ACACA: variants seen among roughly 807,000 people sequenced by gnomAD.
The protein encoded by ACACA is acetyl-CoA carboxylase alpha, also known as acetyl-CoA carboxylase 1.
ACACA carries 103 observed loss-of-function variants against 296.1 expected under a neutral mutation model. The observed-to-expected ratio is 0.35, with a 90% CI of 0.30 to 0.41. The LOEUF is 0.41. Ranked by LOEUF, ACACA falls within the 10% of genes least tolerant of loss-of-function variation. The pLI, the probability that ACACA is intolerant of heterozygous loss-of-function variation, is 1.00. For missense variants in ACACA, 1,554 were observed against 2,989.7 expected (o/e 0.52, Z 11.20); for synonymous variants, 953 against 1,038.6 (o/e 0.92, Z 1.58).
intron 3 of ACACA, among the ~76,000 whole-genome samples, chr17:37,309,567 G>T (rs1253089411): frequency 6.6e-6 from 1 of 152,118 alleles, no homozygotes; most frequent in Non-Finnish European, 1.5e-5. Context: ...AAAGGATAAA[G>T]ACCTCAAGTG....
intron 3 of ACACA, among the ~76,000 whole-genome samples, chr17:37,290,049 T>A (rs867441993): frequency 7.2e-5 from 11 of 152,016 alleles, no homozygotes; most frequent in Middle Eastern, 3.4e-3. Flanking sequence ...TGTTCAAACA[T>A]CTTTGGGTTT....
chr17:37,224,414 A>G (rs1413339508), intron 27 of ACACA, among the ~76,000 whole-genome samples: 3 of 152,180 alleles, frequency 2.0e-5, no homozygotes, highest in Non-Finnish European at 4.4e-5. Context: ...CCAGGTAGAA[A>G]AATATAAAGT....
rs546743748 is a variant in ACACA, at chr17:37,303,411, T to C, written c.339-18441A>G. ...ACATCATCAGTTAATGGATATTGGG[T>C]TGTTTCCATTTTGTGGCTCTTATTA... On this transcript the variant is annotated intron_variant, in intron 3 of 55. Transcript: ENST00000616317. Among the ~76,000 whole-genome samples, 3 of 152,350 alleles carry C rather than the reference T, an allele frequency of 2.0e-5. No homozygotes were observed. The South Asian group carries it at 6.2e-4, about 32-fold the overall frequency.
At chr17:37,176,647 C>T (rs145392369) in intron 41 of ACACA, among the ~76,000 whole-genome samples, 256 of 152,230 alleles carry the variant, frequency 1.7e-3, no homozygotes, top group African/African-American at 2.9e-3. Context: ...GGGCTCAGCA[C>T]GAGGAAATAC....
chr17:37,299,629 C>T, intron 3 of ACACA: 5 of 1,169,766 alleles, frequency 4.3e-6, no homozygotes, highest in East Asian at 8.6e-5. Context: ...CTGAGAGGAG[C>T]CGGGGAGAAA....
chr17:37,320,406 G>A (rs1282283190), intron 3 of ACACA, among the ~76,000 whole-genome samples: 1 of 151,402 alleles, frequency 6.6e-6, no homozygotes, highest in Non-Finnish European at 1.5e-5. Context: ...AGCTACATGG[G>A]AGCCTGAGGC....
chr17:37,206,449 T>C (rs2078505347), intron 32 of ACACA, among the ~76,000 whole-genome samples: 1 of 152,130 alleles, frequency 6.6e-6, no homozygotes, highest in Non-Finnish European at 1.5e-5. Flanking sequence ...ATTGCACCAC[T>C]ATGCAAAAAT....
At position 37,113,263 on chromosome 17, in the gene ACACA, TA is replaced by T; in HGVS notation, c.6276del (p.Asp2092GlufsTer7). ...NWRGFSGGMK[D>X]MYDQVLKFGA... ...CCAAACTTCAGCACTTGGTCGTACA[TA>T]TCTATGGAGAATGAGACAAATTAGA... On this transcript the variant is annotated frameshift_variant and splice_region_variant, in exon 51 of 56. Coordinates refer to ENST00000616317, the MANE Select transcript of ACACA (RefSeq NM_198834.3). LOFTEE classifies it high-confidence loss of function. The surrounding 1 kb of genome is among the most constrained non-coding windows in gnomAD (Gnocchi z 4.0). 4 of 1,614,130 alleles carry T rather than the reference TA, an allele frequency of 2.5e-6. No homozygotes were observed. Among genetic ancestry groups the T allele is most frequent in the Non-Finnish European group, 3.4e-6 (4 of 1,179,972 alleles).
At chr17:37,094,569 A>ACCC (rs1273495530) in intron 54 of ACACA, among the ~76,000 whole-genome samples, 3 of 80,996 alleles carry the variant, frequency 3.7e-5, no homozygotes, top group South Asian at 5.2e-4. Flanking sequence ...TCTTTGAAGA[A>ACCC]CCACCCCCCC....
intron 25 of ACACA, among the ~76,000 whole-genome samples, chr17:37,228,967 A>AC (rs1215601740): frequency 5.9e-5 from 9 of 151,832 alleles, no homozygotes; most frequent in African/African-American, 2.2e-4. Flanking sequence ...CACGGTTGAA[A>AC]CCCGTCTCTA....
intron 1 of ACACA, among the ~76,000 whole-genome samples, chr17:37,405,497 G>A (rs868587913): frequency 9.2e-5 from 14 of 152,114 alleles, no homozygotes; most frequent in African/African-American, 3.4e-4. Context: ...TGTCTGGAAG[G>A]GTACATACCA....
intron 3 of ACACA, among the ~76,000 whole-genome samples, chr17:37,303,815 G>A (rs553608476): frequency 5.9e-5 from 9 of 152,174 alleles, no homozygotes; most frequent in Non-Finnish European, 7.3e-5. Context: ...CCAAGATCGC[G>A]CCATTGCATT....
intron 45 of ACACA, among the ~76,000 whole-genome samples, chr17:37,132,700 C>T (rs1055677800): frequency 2.0e-5 from 3 of 152,136 alleles, no homozygotes; most frequent in African/African-American, 7.2e-5. Flanking sequence ...TCTCTAATAC[C>T]TGATAATGTC....
intron 1 of ACACA, among the ~76,000 whole-genome samples, chr17:37,383,168 G>A (rs1178917504): frequency 6.6e-6 from 1 of 152,200 alleles, no homozygotes; most frequent in East Asian, 1.9e-4. Context: ...TTGGGGAAAA[G>A]TGGACTTAAG....
chr17:37,194,936 C>A (rs4795179), intron 35 of ACACA, among the ~76,000 whole-genome samples: 5 of 150,948 alleles, frequency 3.3e-5, no homozygotes, highest in African/African-American at 4.9e-5. Flanking sequence ...CTCTGACACC[C>A]CCCCCACCCG....
At chr17:37,354,466 T>G (rs1415543575) in intron 1 of ACACA, among the ~76,000 whole-genome samples, 2 of 152,182 alleles carry the variant, frequency 1.3e-5, no homozygotes, top group African/African-American at 4.8e-5. Context: ...TAAATGAGAT[T>G]GGCCAGCTAA....
chr17:37,143,416 A>G (rs780304936), intron 45 of ACACA, among the ~76,000 whole-genome samples: 81 of 152,158 alleles, frequency 5.3e-4, no homozygotes, highest in Non-Finnish European at 7.2e-4. Flanking sequence ...CTGTGCACCA[A>G]TAAGAACCTG....
chr17:37,354,469 C>T (rs1328696429), intron 1 of ACACA, among the ~76,000 whole-genome samples: 8 of 152,098 alleles, frequency 5.3e-5, no homozygotes, highest in African/African-American at 1.4e-4. Flanking sequence ...ATGAGATTGG[C>T]CAGCTAAACT....
intron 1 of ACACA, among the ~76,000 whole-genome samples, chr17:37,366,486 T>C (rs2049607298): frequency 6.6e-6 from 1 of 151,230 alleles, no homozygotes; most frequent in Non-Finnish European, 1.5e-5. Flanking sequence ...TTTTTTTTTT[T>C]GAGACGGAGT....
Sources: gnomAD v4.1 joint callset for allele counts (sites outside exome capture counted in the v4.1 genomes callset) on GRCh38, gnomAD v4.1.1 for gene constraint, Gnocchi (gnomAD v3.1) non-coding constraint, MANE v1.5 for transcripts, NCBI Gene and HGNC (gene_info 2026-07-23, HGNC 2026-07-21) for gene names.